KLB: variants seen among roughly 807,000 people sequenced by gnomAD.
KLB encodes beta-klotho.
In KLB, 44 loss-of-function variants were observed where a neutral mutation model predicts 88.4. The ratio of observed to expected loss-of-function variants is 0.50; its 90% CI spans 0.39 to 0.64. KLB has a LOEUF of 0.64. KLB is among the 30% of genes least tolerant of loss of function. The probability of loss-of-function intolerance (pLI) is 0.00; values close to 1 mark genes in which losing one functional copy is unlikely to be tolerated. For missense variants in KLB, 1,137 were observed against 1,304.8 expected (o/e 0.87, Z 1.98); for synonymous variants, 548 against 513.4 (o/e 1.07, Z -0.91).
At chr4:39,413,627 G>T (rs1233959850) in intron 1 of KLB, among the ~76,000 whole-genome samples, 2 of 151,968 alleles carry the variant, frequency 1.3e-5, no homozygotes, top group African/African-American at 4.8e-5. Context: ...GGGAGGATGA[G>T]GTGGGAAGAT....
chr4:39,434,756 TA>T, intron 2 of KLB, 36 bp downstream of exon 2: 1 of 1,509,370 alleles, frequency 6.6e-7, no homozygotes, highest in Non-Finnish European at 9.0e-7. Flanking sequence ...TTAAAAATTC[TA>T]AAAACTTACA....
chr4:39,422,391 G>T (rs917738683), intron 1 of KLB, among the ~76,000 whole-genome samples: 1 of 151,976 alleles, frequency 6.6e-6, no homozygotes. Context: ...TAACTGGCAG[G>T]CAAGAGCACA....
chr4:39,441,870 T>C (rs867805661), intron 3 of KLB: 10 of 152,096 alleles, frequency 6.6e-5, no homozygotes, highest in African/African-American at 2.2e-4. Context: ...AATAAATATA[T>C]GTATAGACAC....
At chr4:39,424,734 C>A (rs1052777986) in intron 1 of KLB, among the ~76,000 whole-genome samples, 2 of 137,024 alleles carry the variant, frequency 1.5e-5, no homozygotes, top group South Asian at 2.2e-4. Context: ...CGGGTTCAAG[C>A]GATTCTGTTT....
Position 39,447,226 on chromosome 4 carries a change from G to A in KLB, c.2500G>A (p.Glu834Lys), listed in dbSNP as rs758838096. The change falls in exon 4 of 5, where the codon GAG becomes AAG. Residue 834 changes from glutamate (E) to lysine (K), a missense_variant. Coordinates refer to ENST00000257408, the MANE Select transcript of KLB (RefSeq NM_175737.4). ...CTTCACCACTAGGTTCGTGATGCAC[G>A]AGCAGCTGGCCGGCAGCCGCTACGA... is the stretch of plus-strand genomic sequence containing the variant. ...NHFTTRFVMH[E>K]QLAGSRYDSD... 1 of 1,614,072 alleles carries A rather than the reference G, an allele frequency of 6.2e-7. No homozygotes were observed. Among genetic ancestry groups the A allele is most frequent in the African/African-American group, 1.3e-5 (1 of 75,068 alleles).
intron 3 of KLB, 139 bp downstream of exon 3, chr4:39,438,134 G>A: frequency 1.3e-6 from 1 of 793,932 alleles, no homozygotes; most frequent in Non-Finnish European, 2.0e-6. Flanking sequence ...GAGAGCTAGG[G>A]AAAGAGAAGG....
At chr4:39,426,059 T>C (rs927436016) in intron 1 of KLB, among the ~76,000 whole-genome samples, 18 of 152,042 alleles carry the variant, frequency 1.2e-4, no homozygotes, top group Admixed American at 2.6e-4. Flanking sequence ...GAGACCATCC[T>C]GGCTAACATG....
chr4:39,448,470 T>A lies in KLB; in HGVS notation c.2919T>A (p.Ser973Arg). The change falls in exon 5 of 5, where the codon AGT becomes AGA. Residue 973 changes from serine to arginine, a missense_variant. This residue lies in a region of KLB where 426 missense variants were observed against 404.6 expected (regional missense o/e 1.05). Transcript: ENST00000257408. ...SSRGFPFENSSSRCSQTQENT... is the reference protein window; with the variant it reads ...SSRGFPFENSRSRCSQTQENT... ...GGGGCTTCCCTTTTGAGAACAGTAG[T>A]TCTAGATGCAGTCAGACCCAAGAAA... The A allele has an allele frequency of 6.2e-7, 1 of 1,614,134 alleles. No homozygotes were observed. Among genetic ancestry groups the A allele is most frequent in the East Asian group, 2.2e-5 (1 of 44,878 alleles).
Position 39,446,596 on chromosome 4 carries a change from A to C in KLB, c.1870A>C (p.Arg624=). Residue 624 remains arginine, a synonymous_variant, in exon 4 of 5, where the codon AGG becomes CGG. Coordinates refer to ENST00000257408, the MANE Select transcript of KLB (RefSeq NM_175737.4). This position sits in a 1 kb window ranked among gnomAD's most constrained non-coding sequence, Gnocchi z 6.4. ...GAACCGACAGGCCCTGAGGTACTAC[A>C]GGTGCGTGGTCAGTGAGGGGCTGAA... ...AVNRQALRYY[R]CVVSEGLKLG... is the part of the protein sequence containing the mutation. 1 of 1,614,180 alleles carries C rather than the reference A, an allele frequency of 6.2e-7. No homozygotes were observed. The highest frequency in any genetic ancestry group is 8.5e-7 in the Non-Finnish European group (1 of 1,180,012).
chr4:39,434,242 A>G lies in KLB; in HGVS notation c.858A>G (p.Thr286=), dbSNP rs760427180. 1 of 1,612,068 alleles carries G rather than the reference A, an allele frequency of 6.2e-7. No individual in the cohort carries two copies. The highest frequency in any genetic ancestry group is 8.5e-7 in the Non-Finnish European group (1 of 1,179,154). The change falls in exon 2 of 5, where the codon ACA becomes ACG. Residue 286 remains threonine (T), a synonymous_variant. Coordinates refer to ENST00000257408, the MANE Select transcript of KLB (RefSeq NM_175737.4). The part of the protein sequence containing the change: ...AHSKVWHNYN[T]HFRPHQKGWL... ...CGAAAGTTTGGCATAACTACAACACACATTTCCGCCCACATCAGAAGGGTT... is the reference window on the plus strand; with the variant it reads ...CGAAAGTTTGGCATAACTACAACACGCATTTCCGCCCACATCAGAAGGGTT...
chr4:39,423,223 A>C (rs1219424272), intron 1 of KLB, among the ~76,000 whole-genome samples: 1 of 151,890 alleles, frequency 6.6e-6, no homozygotes, highest in Non-Finnish European at 1.5e-5. Flanking sequence ...GTGAATCGAG[A>C]ATTACATATA....
At position 39,432,258 on chromosome 4, in the gene KLB, C is replaced by T. The variant is rs151152512; in HGVS notation, c.826-1952C>T. Among the ~76,000 whole-genome samples, 36 of 152,148 alleles carry T rather than the reference C, an allele frequency of 2.4e-4. 1 individual carries two copies. The East Asian group carries it at 6.8e-3, about 29-fold the overall frequency. On this transcript the variant is annotated intron_variant, in intron 1 of 4. Transcript: ENST00000257408. ...CTGAGATGGCACCACTGCATTCCAGCCTGGGTGACAGAGCAAGACTCTGTC... is the reference window on the plus strand; with the variant it reads ...CTGAGATGGCACCACTGCATTCCAGTCTGGGTGACAGAGCAAGACTCTGTC...
chr4:39,418,586 G>T (rs558826835), intron 1 of KLB, among the ~76,000 whole-genome samples: 1 of 151,868 alleles, frequency 6.6e-6, no homozygotes, highest in South Asian at 2.1e-4. Context: ...CTAAGGCATG[G>T]TACCTGCATA....
chr4:39,444,822 CTTAGT>C (rs1171066160), intron 3 of KLB, among the ~76,000 whole-genome samples: 4 of 152,158 alleles, frequency 2.6e-5, no homozygotes, highest in Admixed American at 6.6e-5. Context: ...TCAATGTTCT[CTTAGT>C]TTAATGTTCT....
intron 1 of KLB, among the ~76,000 whole-genome samples, chr4:39,421,972 C>T (rs1443741988): frequency 6.6e-6 from 1 of 152,134 alleles, no homozygotes; most frequent in African/African-American, 2.4e-5. Flanking sequence ...TCTCGAACTC[C>T]TGACCTCAAA....
At position 39,447,453 on chromosome 4, in the gene KLB, G is replaced by A. The variant is rs1027256592; in HGVS notation, c.2727G>A (p.Lys909=). 4.4e-6 allele frequency: 7 copies of A among 1,592,546 alleles called. No individual in the cohort carries two copies. The highest frequency in any genetic ancestry group is 5.1e-6 in the Non-Finnish European group (6 of 1,167,918). The change falls in exon 4 of 5, where the codon AAG becomes AAA. Residue 909 remains lysine, a synonymous_variant. Coordinates refer to ENST00000257408, the MANE Select transcript of KLB (RefSeq NM_175737.4). The part of the protein sequence containing the change: ...DDRLRKYYLG[K]YLQEVLKAYL... ...GGCTCCGGAAGTACTACCTAGGGAA[G>A]TACCTTCAGGAGGTGCTGAAAGGTA... is the stretch of plus-strand genomic sequence containing the variant.
chr4:39,437,651 G>A, intron 2 of KLB, 76 bp from the exon 3 acceptor site: 3 of 1,472,496 alleles, frequency 2.0e-6, no homozygotes, highest in Non-Finnish European at 2.8e-6. Flanking sequence ...CTGTCCTCTG[G>A]CATGTTAGTG....
Position 39,438,096 on chromosome 4 carries a change from A to G in KLB, c.1605+101A>G, listed in dbSNP as rs371449311. ...AGAGATAGCTGTCAGACAATATCAA[A>G]TACCACAATTGTATGGAGGTTATGA... On this transcript the variant is annotated intron_variant, in intron 3 of 4. Coordinates refer to ENST00000257408, the MANE Select transcript of KLB (RefSeq NM_175737.4). The G allele has an allele frequency of 1.6e-4, 178 of 1,092,440 alleles. No individual in the cohort carries two copies. In the Middle Eastern group the frequency reaches 4.2e-3, roughly 26 times the overall value. The allele number at this position is 1,092,440 out of a possible 1,614,324, so 67.7% of individuals were successfully genotyped here. A position where few individuals can be genotyped will look rare whatever the true frequency, so the allele number is the denominator to read the frequency against.
chr4:39,445,607 C>T (rs1291350514), intron 3 of KLB, among the ~76,000 whole-genome samples: 1 of 149,662 alleles, frequency 6.7e-6, no homozygotes, highest in Non-Finnish European at 1.5e-5. Flanking sequence ...TGCGTTCAAG[C>T]GATTCTCCTG....
Sources: allele counts gnomAD v4.1 joint callset (sites outside exome capture counted in the v4.1 genomes callset), GRCh38; gene constraint gnomAD v4.1.1; regional missense constraint gnomAD v4.1.1; non-coding constraint Gnocchi (gnomAD v3.1); transcripts MANE v1.5; gene names NCBI Gene and HGNC (gene_info 2026-07-23, HGNC 2026-07-21).